The following FAF1 variants were observed in gnomAD, a reference collection of about 807,000 sequenced individuals.
FAF1 encodes the protein Fas associated factor 1.
FAF1 carries 25 observed loss-of-function variants against 92.5 expected under a neutral mutation model. That is an observed-to-expected ratio of 0.27 (90% CI 0.20 to 0.38). The LOEUF (loss-of-function observed/expected upper bound fraction) is 0.38, where lower values mean the gene tolerates loss of function less well. Ranked by LOEUF, FAF1 falls within the 10% of genes least tolerant of loss-of-function variation. The pLI, the probability that FAF1 is intolerant of heterozygous loss-of-function variation, is 1.00. For missense variants in FAF1, 636 were observed against 793.3 expected, an observed-to-expected ratio of 0.80 and a Z score of 2.38; for synonymous variants, 234 against 273.2, an observed-to-expected ratio of 0.86 and a Z score of 1.42.
intron 1 of FAF1, among the ~76,000 whole-genome samples, chr1:50,887,483 T>A (rs553640501): frequency 5.3e-5 from 8 of 152,318 alleles, no homozygotes; most frequent in African/African-American, 1.4e-4. Context: ...TTGCCTACAT[T>A]TTCTTCTAGG....
At chr1:50,703,944 G>A (rs1188939053) in intron 7 of FAF1, among the ~76,000 whole-genome samples, 1 of 152,094 alleles carries the variant, frequency 6.6e-6, no homozygotes, top group Non-Finnish European at 1.5e-5. Flanking sequence ...TGGCCAACTC[G>A]ATTTCGGAAA....
At chr1:50,504,714 C>A (rs934215116) in intron 15 of FAF1, among the ~76,000 whole-genome samples, 1 of 152,198 alleles carries the variant, frequency 6.6e-6, no homozygotes, top group Non-Finnish European at 1.5e-5. Flanking sequence ...TAGTCAAGGA[C>A]TAGATCACTG....
intron 15 of FAF1, among the ~76,000 whole-genome samples, chr1:50,493,019 T>C (rs1646857358): frequency 1.3e-5 from 2 of 151,266 alleles, no homozygotes; most frequent in Non-Finnish European, 2.9e-5. Context: ...AGTCATCGAT[T>C]AAAGGATTAA....
chr1:50,821,066 C>T (rs944521861), intron 2 of FAF1, among the ~76,000 whole-genome samples: 1 of 152,090 alleles, frequency 6.6e-6, no homozygotes, highest in African/African-American at 2.4e-5. Context: ...TCTGCACCAA[C>T]CTAATAGTTT....
chr1:50,517,133 C>T (rs1572800882), intron 15 of FAF1, among the ~76,000 whole-genome samples: 1 of 152,192 alleles, frequency 6.6e-6, no homozygotes, highest in African/African-American at 2.4e-5. Flanking sequence ...AATAAAAGTG[C>T]ATGTACAAAT....
chr1:50,629,983 G>A (rs992635860), intron 8 of FAF1, among the ~76,000 whole-genome samples: 1 of 152,048 alleles, frequency 6.6e-6, no homozygotes, highest in Admixed American at 6.6e-5. Context: ...GCTTGAACCT[G>A]GGAGGCGGAG....
chr1:50,935,947 C>T (rs576839274), intron 1 of FAF1, among the ~76,000 whole-genome samples: 3 of 152,324 alleles, frequency 2.0e-5, no homozygotes, highest in East Asian at 3.8e-4. Flanking sequence ...CTGAGATGAA[C>T]ATGACACAGT....
intron 8 of FAF1, among the ~76,000 whole-genome samples, chr1:50,635,805 G>A (rs905627528): frequency 2.0e-5 from 3 of 152,124 alleles, no homozygotes; most frequent in Non-Finnish European, 2.9e-5. Context: ...TTAGATTAGC[G>A]CAGAGGTAAA....
At chr1:50,519,326 CG>C (rs879921142) in intron 15 of FAF1, among the ~76,000 whole-genome samples, 2,184 of 131,370 alleles carry the variant, frequency 0.017, 67 homozygotes, top group African/African-American at 0.057. Flanking sequence ...GAGACTGTCT[CG>C]AAAGAAAGAA....
intron 15 of FAF1, among the ~76,000 whole-genome samples, chr1:50,526,146 T>C (rs141056383): frequency 1.3e-5 from 2 of 152,326 alleles, no homozygotes; most frequent in African/African-American, 4.8e-5. Context: ...TGTTTTGACC[T>C]GTAGGTTAGC....
chr1:50,628,934 T>C (rs1399933173), intron 8 of FAF1, among the ~76,000 whole-genome samples: 1 of 152,184 alleles, frequency 6.6e-6, no homozygotes. Context: ...CTGCTACTTA[T>C]TATTTATGTG....
At position 50,917,695 on chromosome 1, in the gene FAF1, A is replaced by AAAGGG. The variant is rs1206421536; in HGVS notation, c.45+42071_45+42072insCCCTT. The stretch of plus-strand genomic sequence containing the variant: ...AAAGGAAAGGAAAGGAAAGGAAAGG[A>AAAGGG]AAGGAAAAGAAAGAAAACCAACATA... On this transcript the variant is annotated intron_variant, in intron 1 of 18. Coordinates refer to ENST00000396153, the MANE Select transcript of FAF1 (RefSeq NM_007051.3). Among the ~76,000 whole-genome samples, 9 of 150,732 alleles carry AAAGGG rather than the reference A, an allele frequency of 6.0e-5. No individual in the cohort carries two copies. The East Asian group carries it at 1.8e-3, about 30-fold the overall frequency.
chr1:50,953,103 G>T (rs1444118841), intron 1 of FAF1, among the ~76,000 whole-genome samples: 1 of 152,094 alleles, frequency 6.6e-6, no homozygotes, highest in African/African-American at 2.4e-5. Context: ...CCCCAATCCC[G>T]TGCTCTCTGA....
chr1:50,801,988 G>T, intron 2 of FAF1, among the ~76,000 whole-genome samples: 1 of 152,010 alleles, frequency 6.6e-6, no homozygotes, highest in Admixed American at 6.5e-5. Context: ...GTCAAAACAG[G>T]AAAAATCAGT....
chr1:50,549,917 C>T (rs868679165), intron 13 of FAF1, among the ~76,000 whole-genome samples: 10 of 152,142 alleles, frequency 6.6e-5, no homozygotes, highest in African/African-American at 2.4e-4. Context: ...CAAATTTGGA[C>T]ACTTTGTGAT....
chr1:50,488,321 G>GGAAA (rs1646790291), intron 17 of FAF1, among the ~76,000 whole-genome samples: 1 of 152,086 alleles, frequency 6.6e-6, no homozygotes, highest in African/African-American at 2.4e-5. Flanking sequence ...ATCTACATTT[G>GGAAA]GAAAGAAAGA....
At chr1:50,549,220 T>C (rs139823347) in intron 13 of FAF1, among the ~76,000 whole-genome samples, 1 of 152,314 alleles carries the variant, frequency 6.6e-6, no homozygotes, top group African/African-American at 2.4e-5. Flanking sequence ...TTAAAGTATA[T>C]GTATCTCTAC....
At chr1:50,843,588 T>C (rs1479424201) in intron 2 of FAF1, among the ~76,000 whole-genome samples, 1 of 152,110 alleles carries the variant, frequency 6.6e-6, no homozygotes, top group Non-Finnish European at 1.5e-5. Context: ...ACTACCTCAA[T>C]GAGATCAACC....
intron 1 of FAF1, among the ~76,000 whole-genome samples, chr1:50,942,850 C>T (rs1314194007): frequency 2.0e-5 from 3 of 151,170 alleles, no homozygotes; most frequent in East Asian, 2.0e-4. Flanking sequence ...GATTGCGTTA[C>T]GGGAGAGGAA....
Sources: allele counts gnomAD v4.1 joint callset (sites outside exome capture counted in the v4.1 genomes callset), GRCh38; gene constraint gnomAD v4.1.1; transcripts MANE v1.5; gene names NCBI Gene and HGNC (gene_info 2026-07-23, HGNC 2026-07-21).